The following SLC13A4 variants were observed in gnomAD, a reference collection of about 807,000 sequenced individuals.
SLC13A4 encodes the protein Na(+)/sulfate cotransporter SUT-1.
SLC13A4 carries 28 observed loss-of-function variants against 72.7 expected under a neutral mutation model. The observed-to-expected ratio is 0.39, with a 90% CI of 0.29 to 0.53. The LOEUF (loss-of-function observed/expected upper bound fraction) is 0.53. Among genes scored for constraint, SLC13A4 ranks in the 20% least tolerant of loss-of-function variants. The probability of loss-of-function intolerance (pLI) is 0.78; values close to 1 mark genes in which losing one functional copy is unlikely to be tolerated. For synonymous variants in SLC13A4, 312 were observed against 325.5 expected, an observed-to-expected ratio of 0.96 and a Z score of 0.45; for missense variants, 653 against 788.0, an observed-to-expected ratio of 0.83 and a Z score of 2.05.
At chr7:135,703,062 A>T (rs1436071144) in intron 5 of SLC13A4, 178 bp from the exon 6 acceptor site, 4 of 596,310 alleles carry the variant, frequency 6.7e-6, no homozygotes, top group Non-Finnish European at 1.2e-5. Flanking sequence ...TGCTGTAAGG[A>T]TTAGTGGGGC....
Position 135,681,375 on chromosome 7 carries a change from G to A in SLC13A4, c.*188C>T, listed in dbSNP as rs1795495410. Reference sequence around the variant, plus strand: ...GAAGAAGACACTAACAGCGAAGCATGTGTTTGTGGTTGTTGGAGGATTCCT... The same window carrying A: ...GAAGAAGACACTAACAGCGAAGCATATGTTTGTGGTTGTTGGAGGATTCCT... On this transcript the variant is annotated 3_prime_UTR_variant, in exon 16 of 16. Transcript: ENST00000682651. 7.1e-6 allele frequency: 4 copies of A among 566,188 alleles called. No homozygotes were observed. Among genetic ancestry groups the A allele is most frequent in the South Asian group, 4.0e-5 (1 of 25,106 alleles). The allele number at this position is 566,188 out of a possible 1,614,324, so 35.1% of individuals were successfully genotyped here.
At chr7:135,716,528 G>A (rs1796437848) in intron 2 of SLC13A4, among the ~76,000 whole-genome samples, 1 of 152,180 alleles carries the variant, frequency 6.6e-6, no homozygotes. Context: ...GGCCAGGCTG[G>A]TCTCAAACCC....
chr7:135,710,525 G>A (rs1439677693), intron 2 of SLC13A4, among the ~76,000 whole-genome samples: 1 of 145,944 alleles, frequency 6.9e-6, no homozygotes, highest in Non-Finnish European at 1.5e-5. Context: ...CTTAATGACA[G>A]AAGAAGCTGT....
Position 135,716,311 on chromosome 7 carries a change from A to T in SLC13A4, c.228+5084T>A, listed in dbSNP as rs1796433574. Among the ~76,000 whole-genome samples, 3 of 152,170 alleles carry T rather than the reference A, an allele frequency of 2.0e-5. No homozygotes were observed. In the South Asian group the frequency reaches 6.2e-4, roughly 32 times the overall value. ...ATCATTTATTAATTTTTAAAATTAA[A>T]AAAAATTTTTTTAGATGGAGCCTAG... On this transcript the variant is annotated intron_variant, in intron 2 of 15. Coordinates refer to ENST00000682651, the MANE Select transcript of SLC13A4 (RefSeq NM_001318192.2).
chr7:135,701,609 A>G (rs1431011157), intron 7 of SLC13A4, 71 bp downstream of exon 7: 2 of 1,465,484 alleles, frequency 1.4e-6, no homozygotes, highest in Non-Finnish European at 1.9e-6. Context: ...CGACTTCAAG[A>G]CCAGTGCCCT....
chr7:135,683,485 C>G lies in SLC13A4; in HGVS notation c.1746+639G>C, dbSNP rs75252044. The stretch of plus-strand genomic sequence containing the variant: ...ATCAGTGTTTTCCATCCTCTCCCCC[C>G]CCGCTCAGCCCTGGATACTAAGTAT... On this transcript the variant is annotated intron_variant, in intron 15 of 15. Transcript: ENST00000682651. 7.3e-3 allele frequency: 7,157 copies of G among 984,514 alleles called. 78 individuals are homozygous for G. Among genetic ancestry groups the G allele is most frequent in the East Asian group, 0.056 (489 of 8,772 alleles). The allele number at this position is 984,514 out of a possible 1,614,324, so 61.0% of individuals were successfully genotyped here. A position where few individuals can be genotyped will look rare whatever the true frequency, so the allele number is the denominator to read the frequency against.
At chr7:135,714,806 C>A (rs543588961) in intron 2 of SLC13A4, among the ~76,000 whole-genome samples, 1 of 152,158 alleles carries the variant, frequency 6.6e-6, no homozygotes, top group Non-Finnish European at 1.5e-5. Flanking sequence ...CAGCCGACTC[C>A]GGCGGCACCA....
At chr7:135,723,216 A>G (rs1368871036) in intron 1 of SLC13A4, among the ~76,000 whole-genome samples, 1 of 152,122 alleles carries the variant, frequency 6.6e-6, no homozygotes, top group Non-Finnish European at 1.5e-5. Context: ...ATCCATCTAC[A>G]AAGACTGAAG....
At chr7:135,698,338 T>C (rs1169786656) in intron 8 of SLC13A4, among the ~76,000 whole-genome samples, 7 of 124,690 alleles carry the variant, frequency 5.6e-5, no homozygotes, top group African/African-American at 2.1e-4. Context: ...GGGACTCTTT[T>C]TTTTTTTTTT....
intron 15 of SLC13A4, among the ~76,000 whole-genome samples, chr7:135,682,157 G>A (rs2129493600): frequency 6.6e-6 from 1 of 152,304 alleles, no homozygotes; most frequent in African/African-American, 2.4e-5. Context: ...AACAGCTCAT[G>A]GAAATAGTGT....
rs1022279172 is a variant in SLC13A4, at chr7:135,705,613, G to A, written c.576C>T (p.Leu192=). The change falls in exon 5 of 16, where the codon CTC becomes CTT. Residue 192 remains leucine (L), a synonymous_variant. Transcript: ENST00000682651. ...DVKNSQPSLE[L]IFVNEDRSNA... ...ATACTCACTCTTCATTGACAAAGAT[G>A]AGTTCCAGAGAAGGTTGGCTGTTCT... The A allele has an allele frequency of 1.7e-5, 28 of 1,613,990 alleles. No individual in the cohort carries two copies. The highest frequency in any genetic ancestry group is 2.3e-5 in the Non-Finnish European group (27 of 1,179,992).
intron 2 of SLC13A4, among the ~76,000 whole-genome samples, chr7:135,714,055 G>C (rs1796362857): frequency 6.6e-6 from 1 of 152,228 alleles, no homozygotes; most frequent in Non-Finnish European, 1.5e-5. Flanking sequence ...CCTGGGGGCA[G>C]GAATGCTGTT....
Position 135,727,227 on chromosome 7 carries a change from C to A in SLC13A4, c.99+171G>T, listed in dbSNP as rs527388438. Among the ~76,000 whole-genome samples the A allele has an allele frequency of 5.9e-5, 9 of 152,326 alleles. No individual in the cohort carries two copies. In the East Asian group the frequency reaches 1.4e-3, roughly 23 times the overall value. On this transcript the variant is annotated intron_variant, in intron 1 of 15. Coordinates refer to ENST00000682651, the MANE Select transcript of SLC13A4 (RefSeq NM_001318192.2). The stretch of plus-strand genomic sequence containing the variant: ...CTGGGATAGGAGATGAACATGACAG[C>A]TTTTAGGAAGAAGATATCTTGGTTT...
At chr7:135,713,618 C>A (rs1189429996) in intron 2 of SLC13A4, among the ~76,000 whole-genome samples, 2 of 152,044 alleles carry the variant, frequency 1.3e-5, no homozygotes, top group African/African-American at 4.8e-5. Flanking sequence ...CACTCTGTTG[C>A]CCAGGCTGGA....
At chr7:135,724,922 T>C (rs1409759725) in intron 1 of SLC13A4, among the ~76,000 whole-genome samples, 1 of 152,236 alleles carries the variant, frequency 6.6e-6, no homozygotes, top group African/African-American at 2.4e-5. Context: ...AGGAGTCCGA[T>C]GTCCCCAACG....
chr7:135,721,291 G>C, intron 2 of SLC13A4, 104 bp downstream of exon 2: 2 of 1,372,348 alleles, frequency 1.5e-6, no homozygotes, highest in African/African-American at 1.4e-5. Flanking sequence ...GGGTGACAAG[G>C]CCCCCTCATC....
chr7:135,721,426 T>G lies in SLC13A4; in HGVS notation c.197A>C (p.Tyr66Ser), dbSNP rs1796545623. 6.2e-7 allele frequency: 1 copy of G among 1,613,672 alleles called. No individual in the cohort carries two copies. Among genetic ancestry groups the G allele is most frequent in the South Asian group, 1.1e-5 (1 of 91,070 alleles). Residue 66 changes from tyrosine (Y) to serine (S), a missense_variant, in exon 2 of 16, where the codon TAC (tyrosine) becomes TCC (serine). Physicochemically the swap from Tyr to Ser is moderately radical, Grantham distance 144. Transcript: ENST00000682651. ...GGACCGGAGGACTCCGAAGAACGGG[T>G]AAAGGAAGGCCGGCACCAGGGCTGC... ...GAAALVPAFL[Y>S]PFFGVLRSNE...
intron 2 of SLC13A4, among the ~76,000 whole-genome samples, chr7:135,719,971 GAGAGAA>G (rs1796513224): frequency 6.6e-6 from 1 of 151,140 alleles, no homozygotes. Flanking sequence ...GAGAGAGAGA[GAGAGAA>G]AGAGAGAGAA....
chr7:135,716,284 A>C (rs1298008735), intron 2 of SLC13A4, among the ~76,000 whole-genome samples: 2 of 152,162 alleles, frequency 1.3e-5, no homozygotes, highest in Non-Finnish European at 2.9e-5. Context: ...TGTACTGGAC[A>C]CATCATTTAT....
Sources: gnomAD v4.1 joint callset for allele counts (sites outside exome capture counted in the v4.1 genomes callset) on GRCh38, gnomAD v4.1.1 for gene constraint, MANE v1.5 for transcripts, NCBI Gene and HGNC (gene_info 2026-07-23, HGNC 2026-07-21) for gene names.